The following B4GALNT3 variants were observed in gnomAD, a reference collection of about 807,000 sequenced individuals.
B4GALNT3 encodes the protein beta-1,4-N-acetylgalactosaminyltransferase 3.
B4GALNT3 carries 86 observed loss-of-function variants against 120.2 expected under a neutral mutation model. That is an observed-to-expected ratio of 0.72 (90% CI 0.60 to 0.86). B4GALNT3 has a LOEUF of 0.86. B4GALNT3 is among the 40% of genes least tolerant of loss of function. The probability of loss-of-function intolerance (pLI) is 0.00; values close to 1 mark genes in which losing one functional copy is unlikely to be tolerated. For missense variants in B4GALNT3, 1,167 were observed against 1,298.9 expected (o/e 0.90, Z 1.56); for synonymous variants, 518 against 510.4 (o/e 1.01, Z -0.20).
At chr12:547,464 C>T (rs951504786) in intron 7 of B4GALNT3, among the ~76,000 whole-genome samples, 8 of 152,140 alleles carry the variant, frequency 5.3e-5, no homozygotes, top group African/African-American at 1.7e-4. Flanking sequence ...CATAAATATG[C>T]ACAAGGGTTA....
rs772930453 is a variant in B4GALNT3 at position 553,533 on chromosome 12, C to T, written c.1610C>T (p.Pro537Leu). 7.4e-6 allele frequency: 12 copies of T among 1,613,858 alleles called. No individual in the cohort carries two copies. Among genetic ancestry groups the T allele is most frequent in the Admixed American group, 3.3e-5 (2 of 60,014 alleles). ...TCCGACAAGTGGCCTCCTGGGCACCCTGTGAAGAACCTGCCTCAGATGAGG... is the reference window on the plus strand; with the variant it reads ...TCCGACAAGTGGCCTCCTGGGCACCTTGTGAAGAACCTGCCTCAGATGAGG... ...PHSDKWPPGH[P>L]VKNLPQMRGP... The change falls in exon 14 of 20, where the codon CCT (proline) becomes CTT (leucine). Residue 537 changes from proline (P) to leucine (L), a missense_variant. Around this residue, in one of 3 missense-constraint regions of B4GALNT3, gnomAD observed 983 missense variants for 1,102.5 expected, o/e 0.89. Transcript: ENST00000266383.
chr12:559,381 C>G lies in B4GALNT3; in HGVS notation c.2848C>G (p.Arg950Gly), dbSNP rs999535374. 2 of 1,613,856 alleles carry G rather than the reference C, an allele frequency of 1.2e-6. No individual in the cohort carries two copies. The highest frequency in any genetic ancestry group is 4.5e-5 in the East Asian group (2 of 44,876). ...RIGGMNTKEFRDRWGGEDWEL... is the reference protein window; with the variant it reads ...RIGGMNTKEFGDRWGGEDWEL... The stretch of plus-strand genomic sequence containing the variant: ...TGGGGGCATGAACACCAAGGAGTTC[C>G]GAGACCGCTGGGGCGGGGAAGACTG... Residue 950 changes from arginine to glycine, a missense_variant, in exon 19 of 20, where the codon CGA becomes GGA. By Grantham distance (125) the Arg-to-Gly change is moderately radical (BLOSUM62 -2). Coordinates refer to ENST00000266383, the MANE Select transcript of B4GALNT3 (RefSeq NM_173593.4).
intron 17 of B4GALNT3, 96 bp from the exon 18 acceptor site, chr12:558,412 C>A: frequency 8.3e-7 from 1 of 1,207,288 alleles, no homozygotes; most frequent in Non-Finnish European, 1.2e-6. Flanking sequence ...GTGAATCACT[C>A]CAATAGGGAA....
intron 1 of B4GALNT3, among the ~76,000 whole-genome samples, chr12:485,486 A>T (rs1384035338): frequency 6.6e-6 from 1 of 152,204 alleles, no homozygotes; most frequent in Non-Finnish European, 1.5e-5. Flanking sequence ...GTGTTTACAG[A>T]TGTTCCACTA....
At chr12:498,212 AT>A (rs1249330711) in intron 1 of B4GALNT3, among the ~76,000 whole-genome samples, 6 of 152,050 alleles carry the variant, frequency 3.9e-5, no homozygotes, top group Admixed American at 3.3e-4. Flanking sequence ...GCTGTTTCTG[AT>A]TGCGTATCAT....
intron 1 of B4GALNT3, among the ~76,000 whole-genome samples, chr12:486,162 G>T (rs900538122): frequency 2.6e-5 from 4 of 151,756 alleles, no homozygotes; most frequent in African/African-American, 9.7e-5. Context: ...ACTTCCAGCA[G>T]GGGGAGGGAA....
At position 477,562 on chromosome 12, in the gene B4GALNT3, G is replaced by A. The variant is rs577297515; in HGVS notation, c.169+17017G>A. 1.8e-4 allele frequency among the ~76,000 whole-genome samples: 28 copies of A among 152,268 alleles called. No homozygotes were observed. In the South Asian group the frequency reaches 2.1e-3, roughly 11 times the overall value. On this transcript the variant is annotated intron_variant, in intron 1 of 19. Transcript: ENST00000266383. ...ACAGGTTCCTTTGTTGCACACTCCC[G>A]TCCTGAGAAACGGAACCCATTCCAG...
chr12:483,741 A>T lies in B4GALNT3; in HGVS notation c.169+23196A>T, dbSNP rs992358128. 3.3e-5 allele frequency among the ~76,000 whole-genome samples: 5 copies of T among 152,184 alleles called. 1 individual carries two copies. The highest frequency in any genetic ancestry group is 1.3e-4 in the Admixed American group (2 of 15,278). ...CAGTTATGTGCACGTGGCACATGTG[A>T]TCTCATTTAATCCTCACAACGGACA... On this transcript the variant is annotated intron_variant, in intron 1 of 19. Coordinates refer to ENST00000266383, the MANE Select transcript of B4GALNT3 (RefSeq NM_173593.4).
intron 14 of B4GALNT3, chr12:555,500 G>T: frequency 2.6e-6 from 1 of 384,830 alleles, no homozygotes; most frequent in South Asian, 1.9e-5. Context: ...AGGACATGTG[G>T]GTTGTTTCTA....
intron 1 of B4GALNT3, among the ~76,000 whole-genome samples, chr12:511,777 T>TTCTG (rs1215991586): frequency 1.1e-5 from 1 of 93,782 alleles, no homozygotes; most frequent in Non-Finnish European, 2.2e-5. Context: ...ACCTTCCACC[T>TTCTG]TCTTCCACCT....
intron 3 of B4GALNT3, among the ~76,000 whole-genome samples, chr12:539,272 G>A (rs1946891541): frequency 1.3e-5 from 2 of 152,148 alleles, no homozygotes; most frequent in African/African-American, 2.4e-5. Flanking sequence ...ATCACAAGAC[G>A]CTCATTAACA....
intron 1 of B4GALNT3, among the ~76,000 whole-genome samples, chr12:471,524 T>C (rs1946136139): frequency 6.6e-6 from 1 of 151,672 alleles, no homozygotes; most frequent in Non-Finnish European, 1.5e-5. Flanking sequence ...CTGGCCAACA[T>C]GGTGAAACCC....
intron 1 of B4GALNT3, among the ~76,000 whole-genome samples, chr12:524,210 C>T (rs1344096891): frequency 3.3e-5 from 5 of 152,178 alleles, no homozygotes; most frequent in Admixed American, 6.5e-5. Context: ...AGCAGATCCC[C>T]ATATTCCTTT....
intron 1 of B4GALNT3, among the ~76,000 whole-genome samples, chr12:501,760 G>T (rs1241901526): frequency 6.6e-6 from 1 of 152,192 alleles, no homozygotes; most frequent in African/African-American, 2.4e-5. Context: ...GGAGGTCTGG[G>T]TAGAGTCCAG....
rs149522324 is a variant in B4GALNT3 at position 537,752 on chromosome 12, G to A, written c.351+1457G>A. Among the ~76,000 whole-genome samples, 25 of 152,248 alleles carry A rather than the reference G, an allele frequency of 1.6e-4. No homozygotes were observed. In the East Asian group the frequency reaches 2.7e-3, roughly 16 times the overall value. On this transcript the variant is annotated intron_variant, in intron 3 of 19. Coordinates refer to ENST00000266383, the MANE Select transcript of B4GALNT3 (RefSeq NM_173593.4). Reference sequence around the variant, plus strand: ...AGCGTCTTTAGTCTCGAGGCCCTGCGGACACAGATTACTTTTCTTGGCTGG... The same window carrying A: ...AGCGTCTTTAGTCTCGAGGCCCTGCAGACACAGATTACTTTTCTTGGCTGG...
chr12:559,167 G>A, intron 18 of B4GALNT3, 128 bp from the exon 19 acceptor site: 1 of 1,295,962 alleles, frequency 7.7e-7, no homozygotes, highest in Non-Finnish European at 1.1e-6. Flanking sequence ...AGCTAAGACA[G>A]TTTTCAGCCT....
chr12:481,604 C>A (rs1004560603), intron 1 of B4GALNT3, among the ~76,000 whole-genome samples: 2 of 152,236 alleles, frequency 1.3e-5, no homozygotes, highest in African/African-American at 4.8e-5. Context: ...CACCGCAGGG[C>A]CCCTGTCTGC....
At chr12:522,076 T>C (rs1946716136) in intron 1 of B4GALNT3, among the ~76,000 whole-genome samples, 1 of 151,980 alleles carries the variant, frequency 6.6e-6, no homozygotes, top group African/African-American at 2.4e-5. Context: ...GCTTTCTCCA[T>C]CAAACATGAG....
At chr12:514,279 G>C (rs1264177560) in intron 1 of B4GALNT3, among the ~76,000 whole-genome samples, 1 of 141,460 alleles carries the variant, frequency 7.1e-6, no homozygotes, top group African/African-American at 2.7e-5. Flanking sequence ...CTCACTGCAA[G>C]CTCCACCTCC....
Sources: allele counts gnomAD v4.1 joint callset (sites outside exome capture counted in the v4.1 genomes callset), GRCh38; gene constraint gnomAD v4.1.1; regional missense constraint gnomAD v4.1.1; transcripts MANE v1.5; gene names NCBI Gene and HGNC (gene_info 2026-07-23, HGNC 2026-07-21).